The following NCKAP5 variants were observed in gnomAD, a reference collection of about 807,000 sequenced individuals.
NCKAP5 encodes NCK associated protein 5, also known as nck-associated protein 5.
In NCKAP5, 92 loss-of-function variants were observed where a neutral mutation model predicts 167.0. The observed-to-expected ratio is 0.55, with a 90% CI of 0.47 to 0.66. The LOEUF (loss-of-function observed/expected upper bound fraction) is 0.66, where lower values mean the gene tolerates loss of function less well. Ranked by LOEUF, NCKAP5 falls within the 30% of genes least tolerant of loss-of-function variation. NCKAP5 has a pLI of 0.00. For missense variants in NCKAP5, 2,378 were observed against 2,315.0 expected, an observed-to-expected ratio of 1.03 and a Z score of -0.56; for synonymous variants, 891 against 877.4, an observed-to-expected ratio of 1.02 and a Z score of -0.27.
At chr2:133,163,032 T>C (rs143806401) in intron 5 of NCKAP5, among the ~76,000 whole-genome samples, 1 of 152,202 alleles carries the variant, frequency 6.6e-6, no homozygotes, top group South Asian at 2.1e-4. Context: ...TTCAGTTGCA[T>C]GTCAGCAAAT....
chr2:133,534,546 G>T (rs1356428424), intron 2 of NCKAP5, among the ~76,000 whole-genome samples: 1 of 152,012 alleles, frequency 6.6e-6, no homozygotes. Context: ...TGTCTCCATG[G>T]ATTTGTCTAC....
At chr2:132,779,718 A>G (rs773003238) in intron 15 of NCKAP5, among the ~76,000 whole-genome samples, 1 of 152,180 alleles carries the variant, frequency 6.6e-6, no homozygotes, top group Non-Finnish European at 1.5e-5. Flanking sequence ...AAATTTAAAC[A>G]TCCATTTCTC....
chr2:133,212,929 A>G (rs1263619258), intron 5 of NCKAP5, among the ~76,000 whole-genome samples: 1 of 152,210 alleles, frequency 6.6e-6, no homozygotes, highest in Admixed American at 6.5e-5. Context: ...AATCAAATGG[A>G]AGCAGACTTC....
intron 5 of NCKAP5, among the ~76,000 whole-genome samples, chr2:133,202,940 T>TG (rs1442380298): frequency 6.6e-6 from 1 of 152,108 alleles, no homozygotes; most frequent in Non-Finnish European, 1.5e-5. Flanking sequence ...ACACTGTTGG[T>TG]GGGACTGTAA....
At chr2:133,327,464 G>A (rs1682532288) in intron 3 of NCKAP5, among the ~76,000 whole-genome samples, 1 of 152,156 alleles carries the variant, frequency 6.6e-6, no homozygotes, top group South Asian at 2.1e-4. Context: ...TAATGTTAGT[G>A]TTTTGAAGAC....
At chr2:132,806,372 C>T (rs1395822511) in intron 11 of NCKAP5, among the ~76,000 whole-genome samples, 1 of 152,086 alleles carries the variant, frequency 6.6e-6, no homozygotes, top group African/African-American at 2.4e-5. Flanking sequence ...AGTGGTTGTA[C>T]TAGTTTACAT....
At chr2:132,866,179 G>A (rs891443664) in intron 10 of NCKAP5, among the ~76,000 whole-genome samples, 2 of 152,112 alleles carry the variant, frequency 1.3e-5, no homozygotes, top group African/African-American at 2.4e-5. Context: ...TCATATGAAC[G>A]AAAATAACTG....
intron 4 of NCKAP5, among the ~76,000 whole-genome samples, chr2:133,257,115 A>C (rs1023985223): frequency 2.6e-5 from 4 of 152,216 alleles, no homozygotes; most frequent in South Asian, 2.1e-4. Flanking sequence ...CAACATGCTC[A>C]AGGACACTGA....
intron 8 of NCKAP5, among the ~76,000 whole-genome samples, chr2:132,902,520 C>T (rs948647653): frequency 2.0e-5 from 3 of 152,176 alleles, no homozygotes; most frequent in Non-Finnish European, 2.9e-5. Context: ...CACAGATACT[C>T]GTTTGTCACA....
chr2:132,791,274 A>T (rs1039781770), intron 12 of NCKAP5, among the ~76,000 whole-genome samples: 2 of 152,186 alleles, frequency 1.3e-5, no homozygotes, highest in African/African-American at 4.8e-5. Flanking sequence ...ATGAGCCTCC[A>T]CTGTAAATAT....
chr2:133,199,235 AAAAT>A (rs57351201), intron 5 of NCKAP5, among the ~76,000 whole-genome samples: 3,923 of 152,116 alleles, frequency 0.026, 173 homozygotes, highest in African/African-American at 0.09. Context: ...ATAAACTAGA[AAAAT>A]AAATAGAGTT....
intron 6 of NCKAP5, among the ~76,000 whole-genome samples, chr2:133,050,922 T>C (rs1163585154): frequency 6.6e-6 from 1 of 152,246 alleles, no homozygotes; most frequent in Non-Finnish European, 1.5e-5. Flanking sequence ...TGCTTTGAAG[T>C]ATATGCGCGA....
At chr2:133,587,318 G>A in the NCKAP5 span, among the ~76,000 whole-genome samples, 1 of 152,102 alleles carries the variant, frequency 6.6e-6, no homozygotes, top group Admixed American at 6.5e-5. Context: ...GTTGTGAAGT[G>A]CTCAGAACAA....
intron 6 of NCKAP5, among the ~76,000 whole-genome samples, chr2:133,050,047 C>G (rs932477081): frequency 6.6e-6 from 1 of 152,194 alleles, no homozygotes; most frequent in Non-Finnish European, 1.5e-5. Context: ...TCATCACCTA[C>G]CATGCTGGCC....
chr2:132,884,182 T>C (rs1692025145), intron 8 of NCKAP5, among the ~76,000 whole-genome samples: 1 of 152,242 alleles, frequency 6.6e-6, no homozygotes, highest in Non-Finnish European at 1.5e-5. Context: ...CCTGCCACGT[T>C]CTTTCAGGTC....
chr2:133,127,651 G>T (rs185766287), intron 6 of NCKAP5, among the ~76,000 whole-genome samples: 1 of 152,264 alleles, frequency 6.6e-6, no homozygotes, highest in Admixed American at 6.5e-5. Flanking sequence ...TCTATAGCTT[G>T]AATATAGAGA....
At chr2:133,216,833 G>A (rs1305172516) in intron 4 of NCKAP5, among the ~76,000 whole-genome samples, 3 of 152,142 alleles carry the variant, frequency 2.0e-5, no homozygotes, top group African/African-American at 7.2e-5. Context: ...TGTCGGAGGA[G>A]TAAGATGCAG....
At chr2:132,821,388 T>C (rs1054106283) in intron 11 of NCKAP5, among the ~76,000 whole-genome samples, 5 of 150,636 alleles carry the variant, frequency 3.3e-5, no homozygotes, top group African/African-American at 1.2e-4. Context: ...ACTCCCAGCT[T>C]CTAGCTTAAG....
chr2:133,377,656 C>T (rs1686238606), intron 3 of NCKAP5, among the ~76,000 whole-genome samples: 1 of 152,152 alleles, frequency 6.6e-6, no homozygotes, highest in Non-Finnish European at 1.5e-5. Flanking sequence ...CTTCCAGTGA[C>T]CCCCTAATTT....
Sources: gnomAD v4.1 joint callset for allele counts (sites outside exome capture counted in the v4.1 genomes callset) on GRCh38, gnomAD v4.1.1 for gene constraint, MANE v1.5 for transcripts, NCBI Gene and HGNC (gene_info 2026-07-23, HGNC 2026-07-21) for gene names.